Variants in MAP3K20 observed in about 807,000 individuals in gnomAD.
The protein encoded by MAP3K20 is mitogen-activated protein kinase kinase kinase 20.
In MAP3K20, 40 loss-of-function variants were observed where a neutral mutation model predicts 85.7. The ratio of observed to expected loss-of-function variants is 0.47; its 90% CI spans 0.36 to 0.61. The LOEUF (loss-of-function observed/expected upper bound fraction) is 0.61, where lower values mean the gene tolerates loss of function less well. Ranked by LOEUF, MAP3K20 falls within the 20% of genes least tolerant of loss-of-function variation. The pLI is 0.00. For missense variants in MAP3K20, 817 were observed against 961.7 expected (o/e 0.85, Z 1.99); for synonymous variants, 325 against 327.7 (o/e 0.99, Z 0.09).
intron 2 of MAP3K20, among the ~76,000 whole-genome samples, chr2:173,165,323 A>G (rs1433862159): frequency 1.3e-5 from 2 of 151,994 alleles, no homozygotes; most frequent in African/African-American, 4.8e-5. Context: ...AGGCTGAGGC[A>G]GGAGAATTGC....
chr2:173,093,552 ATAC>A (rs1687363985), intron 2 of MAP3K20, among the ~76,000 whole-genome samples: 1 of 152,176 alleles, frequency 6.6e-6, no homozygotes, highest in African/African-American at 2.4e-5. Flanking sequence ...TTTAGTGGGT[ATAC>A]TACTACTTTA....
intron 11 of MAP3K20, chr2:173,226,976 G>C (rs1684408073): frequency 1.0e-6 from 1 of 985,518 alleles, no homozygotes; most frequent in African/African-American, 1.7e-5. Context: ...CTCTTGTGTG[G>C]TAAGACTATT....
intron 2 of MAP3K20, among the ~76,000 whole-genome samples, chr2:173,094,779 C>T (rs1472591894): frequency 6.6e-6 from 1 of 152,096 alleles, no homozygotes; most frequent in Non-Finnish European, 1.5e-5. Flanking sequence ...GTTGGTTAGT[C>T]TCATTATTGA....
In MAP3K20 at chr2:173,191,259, G is replaced by C. The variant is rs1413836176; in HGVS notation, c.582+82G>C. 12 of 1,554,658 alleles carry C rather than the reference G, an allele frequency of 7.7e-6. No individual in the cohort carries two copies. The Admixed American group carries it at 2.3e-4, about 29-fold the overall frequency. On this transcript the variant is annotated intron_variant, in intron 7 of 19. Coordinates refer to ENST00000375213, the MANE Select transcript of MAP3K20 (RefSeq NM_016653.3). ...AAAGAAGAGAGATACAGTTTAACAT[G>C]GTTTTATTTTTATTTGAGACTGTAC...
chr2:173,238,788 G>A (rs7425411), intron 15 of MAP3K20, among the ~76,000 whole-genome samples: 5,608 of 152,268 alleles, frequency 0.037, 141 homozygotes, highest in South Asian at 0.095. Flanking sequence ...GCGCTCGATC[G>A]TCAACTTTCA....
At chr2:173,163,013 T>C (rs1209540598) in intron 2 of MAP3K20, among the ~76,000 whole-genome samples, 1 of 152,222 alleles carries the variant, frequency 6.6e-6, no homozygotes, top group Non-Finnish European at 1.5e-5. Flanking sequence ...CAACAGGTTG[T>C]TGTTGGTATC....
chr2:173,096,431 C>A lies in MAP3K20; in HGVS notation c.159+5241C>A, dbSNP rs1013569863. On this transcript the variant is annotated intron_variant, in intron 2 of 19. Transcript: ENST00000375213. ...CTCCGTTCACTGCAACCTTTGCCTC[C>A]CGAGTTCAAGCGATTCTCCTGCCTC... Among the ~76,000 whole-genome samples, 8 of 152,038 alleles carry A rather than the reference C, an allele frequency of 5.3e-5. 1 individual carries two copies. The highest frequency in any genetic ancestry group is 1.9e-4 in the African/African-American group (8 of 41,452).
At position 173,197,867 on chromosome 2, in the gene MAP3K20, A is replaced by G. The variant is rs3754740; in HGVS notation, c.583-159A>G. The G allele has an allele frequency of 0.34, 143,225 of 423,402 alleles. 26,940 individuals are homozygous for G. The highest frequency in any genetic ancestry group is 0.53 in the African/African-American group (25,920 of 48,546). 26.2% of individuals were successfully genotyped at this position (423,402 alleles called of 1,614,324 possible). A position where few individuals can be genotyped will look rare whatever the true frequency, so the allele number is the denominator to read the frequency against. On this transcript the variant is annotated intron_variant, in intron 7 of 19. Coordinates refer to ENST00000375213, the MANE Select transcript of MAP3K20 (RefSeq NM_016653.3). The stretch of plus-strand genomic sequence containing the variant: ...AGAACGTAAAAAGTATTTAATATAT[A>G]GAAGAAGTTGTGTGCTTAATTGTTT...
chr2:173,127,620 T>TA (rs1190535255), intron 2 of MAP3K20, among the ~76,000 whole-genome samples: 4 of 152,138 alleles, frequency 2.6e-5, no homozygotes, highest in African/African-American at 4.8e-5. Flanking sequence ...AGAAGCCTTT[T>TA]AAAAAATTGC....
At chr2:173,132,363 G>A (rs975994582) in intron 2 of MAP3K20, among the ~76,000 whole-genome samples, 2 of 151,984 alleles carry the variant, frequency 1.3e-5, no homozygotes, top group African/African-American at 2.4e-5. Context: ...CTTCTCCTCC[G>A]GCTGACTCCC....
chr2:173,129,697 G>A (rs1688552259), intron 2 of MAP3K20, among the ~76,000 whole-genome samples: 1 of 152,184 alleles, frequency 6.6e-6, no homozygotes, highest in South Asian at 2.1e-4. Context: ...CTTTCATTAA[G>A]CGATATGGAG....
intron 1 of MAP3K20, among the ~76,000 whole-genome samples, chr2:173,086,489 G>A (rs1196673676): frequency 1.3e-5 from 2 of 152,168 alleles, no homozygotes; most frequent in Non-Finnish European, 1.5e-5. Flanking sequence ...ACATACCCTA[G>A]ATTACTAGTT....
At chr2:173,103,565 A>T (rs1013230033) in intron 2 of MAP3K20, among the ~76,000 whole-genome samples, 1 of 152,242 alleles carries the variant, frequency 6.6e-6, no homozygotes, top group African/African-American at 2.4e-5. Context: ...TGTATCTCTG[A>T]AATCTCTCTC....
At chr2:173,121,476 T>A (rs888615557) in intron 2 of MAP3K20, among the ~76,000 whole-genome samples, 1 of 152,122 alleles carries the variant, frequency 6.6e-6, no homozygotes, top group Non-Finnish European at 1.5e-5. Flanking sequence ...AAGCTCTGCC[T>A]CCCGGGTTCA....
intron 2 of MAP3K20, among the ~76,000 whole-genome samples, chr2:173,138,339 A>G (rs935355757): frequency 1.3e-5 from 2 of 152,098 alleles, no homozygotes; most frequent in African/African-American, 2.4e-5. Flanking sequence ...CACTTTTTCT[A>G]TTTTGTGTGT....
chr2:173,260,648 T>C (rs1203207882), intron 17 of MAP3K20, among the ~76,000 whole-genome samples: 1 of 152,222 alleles, frequency 6.6e-6, no homozygotes, highest in Non-Finnish European at 1.5e-5. Flanking sequence ...GAGCGATTGT[T>C]GAAGCCACTA....
chr2:173,176,900 T>C (rs750854654), intron 3 of MAP3K20, among the ~76,000 whole-genome samples: 6 of 152,200 alleles, frequency 3.9e-5, no homozygotes, highest in Non-Finnish European at 5.9e-5. Flanking sequence ...GGAGTAACTA[T>C]ATTAAATTTC....
intron 16 of MAP3K20, among the ~76,000 whole-genome samples, chr2:173,243,901 C>T (rs565977889): frequency 8.2e-4 from 125 of 152,316 alleles, no homozygotes; most frequent in African/African-American, 2.9e-3. Context: ...GCTGGGATTA[C>T]AGGCGTGAGT....
Position 173,120,406 on chromosome 2 carries a change from C to T in MAP3K20, c.159+29216C>T, listed in dbSNP as rs544899896. ...CCCCCTGGGTTTCAGACATAGACCT[C>T]CTTGCCCCCATTGTTTAGCAACAAC... On this transcript the variant is annotated intron_variant, in intron 2 of 19. Coordinates refer to ENST00000375213, the MANE Select transcript of MAP3K20 (RefSeq NM_016653.3). Among the ~76,000 whole-genome samples, 376 of 152,044 alleles carry T rather than the reference C, an allele frequency of 2.5e-3. 2 individuals are homozygous for T. The highest frequency in any genetic ancestry group is 8.7e-3 in the African/African-American group (361 of 41,470).
Sources: gnomAD v4.1 joint callset for allele counts (sites outside exome capture counted in the v4.1 genomes callset) on GRCh38, gnomAD v4.1.1 for gene constraint, MANE v1.5 for transcripts, NCBI Gene and HGNC (gene_info 2026-07-23, HGNC 2026-07-21) for gene names.